NR2C2: variants seen among roughly 807,000 people sequenced by gnomAD.
NR2C2 encodes the protein nuclear receptor subfamily 2 group C member 2.
Under a neutral mutation model 62.9 loss-of-function variants are expected in NR2C2, and 6 were observed. That is an observed-to-expected ratio of 0.10 (90% CI 0.05 to 0.19). The LOEUF (loss-of-function observed/expected upper bound fraction) is 0.19, where lower values mean the gene tolerates loss of function less well. NR2C2 is among the 10% of genes least tolerant of loss of function. The probability of loss-of-function intolerance (pLI) is 1.00; values close to 1 mark genes in which losing one functional copy is unlikely to be tolerated. For synonymous variants in NR2C2, 272 were observed against 273.8 expected (o/e 0.99, Z 0.07); for missense variants, 479 against 762.7 (o/e 0.63, Z 4.38).
intron 1 of NR2C2, among the ~76,000 whole-genome samples, chr3:14,985,755 C>T (rs952033145): frequency 3.9e-5 from 6 of 152,120 alleles, no homozygotes; most frequent in Non-Finnish European, 8.8e-5. Flanking sequence ...TAAGTTTGCA[C>T]ATTGAAGTAT....
Position 14,989,764 on chromosome 3 carries a change from C to T in NR2C2, c.-39-14112C>T, listed in dbSNP as rs544401464. On this transcript the variant is annotated intron_variant, in intron 1 of 13. Coordinates refer to ENST00000425241, the MANE Select transcript of NR2C2 (RefSeq NM_001291694.2). ...CCTGGCCAACATGGTGAAACCCCAT[C>T]TCTACTAAAAATACAAAATTAGCAG... Among the ~76,000 whole-genome samples the T allele has an allele frequency of 4.0e-4, 61 of 151,686 alleles. 1 individual carries two copies. The highest frequency in any genetic ancestry group is 1.4e-3 in the African/African-American group (58 of 41,360).
chr3:14,982,701 T>C (rs2040408486), intron 1 of NR2C2, among the ~76,000 whole-genome samples: 1 of 152,168 alleles, frequency 6.6e-6, no homozygotes, highest in Non-Finnish European at 1.5e-5. Flanking sequence ...TCATTTAGAT[T>C]TTTATGTTAT....
At chr3:15,034,038 G>C (rs1358307900) in intron 10 of NR2C2, among the ~76,000 whole-genome samples, 1 of 152,158 alleles carries the variant, frequency 6.6e-6, no homozygotes, top group Non-Finnish European at 1.5e-5. Flanking sequence ...CAGTTTCTCC[G>C]GCCTCCTGAA....
chr3:14,970,775 T>C (rs2040013107), intron 1 of NR2C2, among the ~76,000 whole-genome samples: 1 of 152,206 alleles, frequency 6.6e-6, no homozygotes, highest in Non-Finnish European at 1.5e-5. Context: ...CTTTGAGGAA[T>C]GCTGCTGTGA....
chr3:14,972,108 C>T (rs1357428372), intron 1 of NR2C2, among the ~76,000 whole-genome samples: 1 of 151,214 alleles, frequency 6.6e-6, no homozygotes, highest in African/African-American at 2.4e-5. Flanking sequence ...CCGTGCCCAG[C>T]CATAAATTTC....
chr3:14,965,613 T>G (rs566313614), intron 1 of NR2C2, among the ~76,000 whole-genome samples: 55 of 151,512 alleles, frequency 3.6e-4, no homozygotes, highest in African/African-American at 1.3e-3. Flanking sequence ...ATCCTCCTGT[T>G]TAAAATATTT....
chr3:15,018,398 C>A (rs572505178), intron 4 of NR2C2, among the ~76,000 whole-genome samples: 1 of 152,198 alleles, frequency 6.6e-6, no homozygotes, highest in Non-Finnish European at 1.5e-5. Context: ...CGAACTTAAA[C>A]AACTCGACAG....
Position 15,013,609 on chromosome 3 carries a change from A to G in NR2C2, c.93A>G (p.Thr31=). 6.2e-7 allele frequency: 1 copy of G among 1,614,174 alleles called. No individual in the cohort carries two copies. Among genetic ancestry groups the G allele is most frequent in the Non-Finnish European group, 8.5e-7 (1 of 1,180,018 alleles). The change falls in exon 3 of 14, where the codon ACA becomes ACG. Residue 31 remains threonine, a synonymous_variant. Transcript: ENST00000425241. ...QRIQIVTDQQ[T]GQKIQIVTAV... Reference sequence around the variant, plus strand: ...TATAGATTGTCACAGACCAGCAGACAGGACAGAAAATCCAGATAGTCACCG... The same window carrying G: ...TATAGATTGTCACAGACCAGCAGACGGGACAGAAAATCCAGATAGTCACCG...
chr3:14,966,929 A>G (rs1298263556), intron 1 of NR2C2, among the ~76,000 whole-genome samples: 1 of 152,228 alleles, frequency 6.6e-6, no homozygotes, highest in Non-Finnish European at 1.5e-5. Context: ...TTGTTTATAA[A>G]GAATTGATAT....
In NR2C2 at chr3:14,992,274, C is replaced by T. The variant is rs555998603; in HGVS notation, c.-39-11602C>T. 2.6e-4 allele frequency among the ~76,000 whole-genome samples: 40 copies of T among 152,050 alleles called. 1 individual carries two copies. In the South Asian group the frequency reaches 8.2e-3, roughly 31 times the overall value. On this transcript the variant is annotated intron_variant, in intron 1 of 13. Transcript: ENST00000425241. ...TCCAGGGTGAAGATGTATGAACTTC[C>T]TCAGCAGCCTCATAAACCCCCCTGT...
chr3:14,985,292 G>C (rs2040484964), intron 1 of NR2C2, among the ~76,000 whole-genome samples: 1 of 151,874 alleles, frequency 6.6e-6, no homozygotes. Flanking sequence ...TTTTGATAGT[G>C]GTTGTTTTAA....
At chr3:15,004,126 TAAAGAA>T (rs1450455676) in intron 2 of NR2C2, 140 bp downstream of exon 2, 1 of 668,320 alleles carries the variant, frequency 1.5e-6, no homozygotes, top group Non-Finnish European at 2.4e-6. Flanking sequence ...TTAAAAAAAA[TAAAGAA>T]AAAATGCTTA....
At chr3:14,982,394 T>C (rs2040395907) in intron 1 of NR2C2, among the ~76,000 whole-genome samples, 1 of 152,230 alleles carries the variant, frequency 6.6e-6, no homozygotes. Context: ...TGCTGACTGC[T>C]GACTTTTCAG....
At chr3:15,040,563 G>GCT (rs2042230324) in intron 13 of NR2C2, among the ~76,000 whole-genome samples, 1 of 152,190 alleles carries the variant, frequency 6.6e-6, no homozygotes, top group South Asian at 2.1e-4. Flanking sequence ...AGGGTAACCA[G>GCT]CTCTTAGTCT....
chr3:15,018,751 T>C (rs2041584966), intron 4 of NR2C2, among the ~76,000 whole-genome samples: 1 of 152,052 alleles, frequency 6.6e-6, no homozygotes. Flanking sequence ...GTGCGGTGTC[T>C]CACATCTGTA....
intron 1 of NR2C2, among the ~76,000 whole-genome samples, chr3:14,972,886 C>T (rs1385821942): frequency 6.6e-6 from 1 of 152,122 alleles, no homozygotes; most frequent in African/African-American, 2.4e-5. Context: ...GTAACTCACT[C>T]ACTATCATGA....
chr3:15,010,201 C>CT (rs906635092), intron 2 of NR2C2, among the ~76,000 whole-genome samples: 5 of 152,030 alleles, frequency 3.3e-5, no homozygotes, highest in South Asian at 4.1e-4. Flanking sequence ...AAATAGGAAT[C>CT]TATCTGTGTT....
chr3:15,004,087 A>G lies in NR2C2; in HGVS notation c.72+101A>G, dbSNP rs931553234. On this transcript the variant is annotated intron_variant, in intron 2 of 13. Coordinates refer to ENST00000425241, the MANE Select transcript of NR2C2 (RefSeq NM_001291694.2). ...CACTAAAGAGTTGTGCCTTTTGGGC[A>G]TGAAATACAGTACAACTTCATCAAT... 4 of 900,844 alleles carry G rather than the reference A, an allele frequency of 4.4e-6. No homozygotes were observed. In the African/African-American group the frequency reaches 5.2e-5, roughly 12 times the overall value. The allele number at this position is 900,844 out of a possible 1,614,324, so 55.8% of individuals were successfully genotyped here. A position where few individuals can be genotyped will look rare whatever the true frequency, so the allele number is the denominator to read the frequency against.
intron 1 of NR2C2, chr3:14,959,112 TC>T (rs2039615100): frequency 1.3e-5 from 2 of 152,272 alleles, no homozygotes; most frequent in Non-Finnish European, 2.9e-5. Flanking sequence ...TGGTACTTTT[TC>T]AAAGATGTAT....
Sources: allele counts gnomAD v4.1 joint callset (sites outside exome capture counted in the v4.1 genomes callset), GRCh38; gene constraint gnomAD v4.1.1; transcripts MANE v1.5; gene names NCBI Gene and HGNC (gene_info 2026-07-23, HGNC 2026-07-21).